The following PROCR variants were observed in gnomAD, a reference collection of about 807,000 sequenced individuals.
PROCR encodes the protein endothelial protein C receptor.
A neutral mutation model predicts 24.2 loss-of-function variants in PROCR; 22 were observed. The ratio of observed to expected loss-of-function variants is 0.91; its 90% CI spans 0.65 to 1.30. The LOEUF is 1.30. Among genes scored for constraint, PROCR ranks in the 50% most tolerant of loss-of-function variants. The pLI is 0.00. For synonymous variants in PROCR, 137 were observed against 139.2 expected, an observed-to-expected ratio of 0.98 and a Z score of 0.11; for missense variants, 288 against 307.7, an observed-to-expected ratio of 0.94 and a Z score of 0.48.
downstream of PROCR, among the ~76,000 whole-genome samples, chr20:35,178,518 T>G (rs1461893007): frequency 1.9e-3 from 97 of 50,220 alleles, 9 homozygotes; most frequent in Non-Finnish European, 2.8e-3. Context: ...TTTTTTTTTT[T>G]TTTTTTTTTT....
At chr20:35,179,232 CAAAAAAA>C (rs61421342), downstream of PROCR, among the ~76,000 whole-genome samples, 1 of 76,638 alleles carries the variant, frequency 1.3e-5, no homozygotes, top group Non-Finnish European at 2.5e-5. Flanking sequence ...GACTCCATCT[CAAAAAAA>C]AAAAAAAAAA....
intron 2 of PROCR, among the ~76,000 whole-genome samples, chr20:35,175,573 C>T (rs1217568264): frequency 1.9e-5 from 1 of 53,300 alleles, no homozygotes; most frequent in Non-Finnish European, 3.4e-5. Flanking sequence ...CCCCACCCCA[C>T]CCCCCTTTTT....
chr20:35,215,924 G>A (rs1308300787), exon 2 of PROCR: 45 of 982,698 alleles, frequency 4.6e-5, no homozygotes, highest in East Asian at 1.1e-4. Context: ...CTGGCCGGGC[G>A]CAGTGGCTCA....
At chr20:35,210,322 AC>A (rs2060357250) in intron 1 of PROCR, among the ~76,000 whole-genome samples, 1 of 152,190 alleles carries the variant, frequency 6.6e-6, no homozygotes, top group South Asian at 2.1e-4. Flanking sequence ...AGATGGGAGA[AC>A]TGTTTGAGCT....
chr20:35,172,021 G>A (rs2085955271), upstream of PROCR: 1 of 782,044 alleles, frequency 1.3e-6, no homozygotes, highest in Non-Finnish European at 2.3e-6. Context: ...CCATCTCCTG[G>A]CCTCCTTCCA....
chr20:35,195,377 T>A (rs1384365274), intron 1 of PROCR: 1 of 152,116 alleles, frequency 6.6e-6, no homozygotes, highest in African/African-American at 2.4e-5. Context: ...TCAGGCCTGG[T>A]TAGGATTTGG....
intron 1 of PROCR, among the ~76,000 whole-genome samples, chr20:35,187,499 A>C (rs1004817927): frequency 6.6e-6 from 1 of 152,238 alleles, no homozygotes; most frequent in Non-Finnish European, 1.5e-5. Context: ...TTGCTGCTAC[A>C]TCATTCCATG....
rs1207673310 is a variant in PROCR at position 35,205,413 on chromosome 20, AT to A, written c.95-10479del. Among the ~76,000 whole-genome samples the A allele has an allele frequency of 5.4e-4, 81 of 150,440 alleles. 1 individual carries two copies. Among genetic ancestry groups the A allele is most frequent in the African/African-American group, 1.7e-3 (69 of 40,936 alleles). On this transcript the variant is annotated intron_variant, in intron 1 of 1. Transcript: ENST00000634509. ...ACCCATTCATGATAAAAAAAAAAAA[AT>A]CTCTCAGCAAACTAGAGAAGGAAAC...
intron 1 of PROCR, among the ~76,000 whole-genome samples, chr20:35,186,977 G>A (rs1042520030): frequency 6.6e-6 from 1 of 151,532 alleles, no homozygotes; most frequent in African/African-American, 2.4e-5. Context: ...AAAAAAAATA[G>A]CAATAGCTGT....
At chr20:35,173,899 T>C (rs1230713549) in intron 1 of PROCR, among the ~76,000 whole-genome samples, 1 of 152,200 alleles carries the variant, frequency 6.6e-6, no homozygotes, top group Non-Finnish European at 1.5e-5. Flanking sequence ...GCCAGGTCTC[T>C]AGCAGCCTTG....
At chr20:35,208,255 G>A (rs2060349251) in intron 1 of PROCR, among the ~76,000 whole-genome samples, 1 of 152,180 alleles carries the variant, frequency 6.6e-6, no homozygotes, top group African/African-American at 2.4e-5. Context: ...GTCTCTTCCT[G>A]GAGCTTTCAT....
intron 1 of PROCR, chr20:35,201,744 T>C (rs2060319088): frequency 6.6e-6 from 1 of 151,882 alleles, no homozygotes; most frequent in Non-Finnish European, 1.5e-5. Flanking sequence ...GACCCAACTA[T>C]ATGCTATTAC....
At chr20:35,177,813 A>G (rs1415774), downstream of PROCR, among the ~76,000 whole-genome samples, 93,530 of 151,914 alleles carry the variant, frequency 0.62, 30,025 homozygotes, top group African/African-American at 0.8. Flanking sequence ...TTGTCAAACC[A>G]TCACCCTACA....
At position 35,176,077 on chromosome 20, in the gene PROCR, G is replaced by A. The variant is rs2086013009; in HGVS notation, c.323-91G>A. 2.1e-6 allele frequency: 3 copies of A among 1,420,226 alleles called. No homozygotes were observed. In the East Asian group the frequency reaches 6.8e-5, roughly 32 times the overall value. 88.0% of individuals were successfully genotyped at this position (1,420,226 alleles called of 1,614,324 possible). A position where few individuals can be genotyped will look rare whatever the true frequency, so the allele number is the denominator to read the frequency against. On this transcript the variant is annotated intron_variant, in intron 2 of 3. Coordinates refer to ENST00000216968, the MANE Select transcript of PROCR (RefSeq NM_006404.5). ...CCCTCTCCTCACAGCACTGACTCTTGCCTTCTCATGTTCTTTTCCCCTTGG... is the reference window on the plus strand; with the variant it reads ...CCCTCTCCTCACAGCACTGACTCTTACCTTCTCATGTTCTTTTCCCCTTGG...
intron 1 of PROCR, among the ~76,000 whole-genome samples, chr20:35,215,646 T>G (rs1345650627): frequency 6.6e-6 from 1 of 152,178 alleles, no homozygotes; most frequent in Non-Finnish European, 1.5e-5. Context: ...TGTCAGACAC[T>G]TGGGTTCTAC....
intron 1 of PROCR, among the ~76,000 whole-genome samples, chr20:35,190,933 C>G (rs1385541136): frequency 6.6e-6 from 1 of 150,728 alleles, no homozygotes; most frequent in Admixed American, 6.6e-5. Context: ...GATCTCGGCC[C>G]ACTGCAATGT....
intron 1 of PROCR, among the ~76,000 whole-genome samples, chr20:35,192,219 T>C (rs780253710): frequency 1.3e-5 from 2 of 152,210 alleles, no homozygotes; most frequent in Non-Finnish European, 2.9e-5. Context: ...CCTAGGCATA[T>C]GCCTAACAGA....
chr20:35,172,518 G>T (rs2085961386), intron 1 of PROCR, among the ~76,000 whole-genome samples: 1 of 152,098 alleles, frequency 6.6e-6, no homozygotes, highest in Non-Finnish European at 1.5e-5. Context: ...CCCAGGGAGA[G>T]GGGAGAAAGG....
chr20:35,213,096 C>T (rs1306102534), intron 1 of PROCR, among the ~76,000 whole-genome samples: 1 of 152,146 alleles, frequency 6.6e-6, no homozygotes, highest in Non-Finnish European at 1.5e-5. Context: ...TTTGGGAGGC[C>T]GAGGCAGATG....
Sources: allele counts gnomAD v4.1 joint callset (sites outside exome capture counted in the v4.1 genomes callset), GRCh38; gene constraint gnomAD v4.1.1; transcripts MANE v1.5; gene names NCBI Gene and HGNC (gene_info 2026-07-23, HGNC 2026-07-21).